Variants in RBFOX1 observed in about 807,000 individuals in gnomAD.
RBFOX1 encodes the protein RNA binding protein fox-1 homolog 1.
Under a neutral mutation model 57.7 loss-of-function variants are expected in RBFOX1, and 8 were observed. That is an observed-to-expected ratio of 0.14 (90% CI 0.08 to 0.25). RBFOX1 has a LOEUF of 0.25. Ranked by LOEUF, RBFOX1 falls within the 10% of genes least tolerant of loss-of-function variation. RBFOX1 has a pLI of 1.00. For synonymous variants in RBFOX1, 326 were observed against 222.4 expected (o/e 1.47, Z -4.15); for missense variants, 611 against 548.5 (o/e 1.11, Z -1.14).
chr16:7,712,486 C>T lies in RBFOX1; in HGVS notation c.*1741C>T, dbSNP rs2084144152. ...GGATATTAAACCATCAATAAAGTTTCACAAGATTTGAAAACAAAGTTTCTG... is the reference window on the plus strand; with the variant it reads ...GGATATTAAACCATCAATAAAGTTTTACAAGATTTGAAAACAAAGTTTCTG... On this transcript the variant is annotated 3_prime_UTR_variant, in exon 16 of 16. Transcript: ENST00000550418. 6.6e-6 allele frequency: 1 copy of T among 152,586 alleles called. No individual in the cohort carries two copies. The highest frequency in any genetic ancestry group is 1.9e-4 in the East Asian group (1 of 5,182). The allele number at this position is 152,586 out of a possible 1,614,324, so 9.5% of individuals were successfully genotyped here.
At chr16:6,323,684 A>G (rs1208629484) in intron 2 of RBFOX1, among the ~76,000 whole-genome samples, 2 of 152,148 alleles carry the variant, frequency 1.3e-5, no homozygotes, top group Admixed American at 6.5e-5. Context: ...AACATTATTT[A>G]TATGTTTATT....
intron 3 of RBFOX1, among the ~76,000 whole-genome samples, chr16:6,745,627 G>C (rs73543692): frequency 0.087 from 13,296 of 152,224 alleles, 718 homozygotes; most frequent in East Asian, 0.15. Context: ...AGCTCAGCAA[G>C]AATAGAAGAT....
intron 1 of RBFOX1, among the ~76,000 whole-genome samples, chr16:6,058,140 CG>C (rs1291394693): frequency 6.6e-6 from 1 of 151,942 alleles, no homozygotes; most frequent in Admixed American, 6.6e-5. Context: ...GTGATGGGGT[CG>C]GGGGTGGAAT....
intron 3 of RBFOX1, among the ~76,000 whole-genome samples, chr16:6,666,262 A>C (rs1340175904): frequency 6.6e-6 from 1 of 152,164 alleles, no homozygotes; most frequent in East Asian, 1.9e-4. Context: ...GGCCGGGCAC[A>C]GTGGCTCATG....
At chr16:5,800,586 C>T (rs920480412) in intron 3 of RBFOX1, among the ~76,000 whole-genome samples, 3 of 152,074 alleles carry the variant, frequency 2.0e-5, no homozygotes, top group South Asian at 2.1e-4. Context: ...TTGGAGGACA[C>T]GGGATGGTGA....
At chr16:6,832,125 T>A (rs1357482994) in intron 3 of RBFOX1, among the ~76,000 whole-genome samples, 2 of 152,220 alleles carry the variant, frequency 1.3e-5, no homozygotes, top group South Asian at 2.1e-4. Flanking sequence ...AACTTTTTCC[T>A]GATATTTCAA....
At chr16:7,695,109 A>G (rs2078376340) in intron 14 of RBFOX1, among the ~76,000 whole-genome samples, 1 of 152,174 alleles carries the variant, frequency 6.6e-6, no homozygotes, top group Non-Finnish European at 1.5e-5. Context: ...TGCTCAGTAA[A>G]TTCTTAATGA....
At chr16:7,523,534 A>C in intron 5 of RBFOX1, among the ~76,000 whole-genome samples, 1 of 152,216 alleles carries the variant, frequency 6.6e-6, no homozygotes, top group East Asian at 1.9e-4. Context: ...AATTTGGAGA[A>C]TGTAAATGTA....
At chr16:5,648,266 G>A (rs955875505) in intron 3 of RBFOX1, among the ~76,000 whole-genome samples, 5 of 152,200 alleles carry the variant, frequency 3.3e-5, no homozygotes, top group Admixed American at 3.3e-4. Context: ...AGTTCTCGGA[G>A]CCTCAGTTTT....
intron 12 of RBFOX1, among the ~76,000 whole-genome samples, chr16:7,656,019 G>C: frequency 6.6e-6 from 1 of 151,322 alleles, no homozygotes; most frequent in East Asian, 2.0e-4. Flanking sequence ...TAACTACTTG[G>C]GATGAAAATT....
At chr16:5,967,139 A>G (rs549981422) in intron 4 of RBFOX1, among the ~76,000 whole-genome samples, 1 of 152,128 alleles carries the variant, frequency 6.6e-6, no homozygotes, top group African/African-American at 2.4e-5. Flanking sequence ...TAGTTGCAAC[A>G]GAGACCATCT....
chr16:6,824,939 G>C (rs1442173897), intron 3 of RBFOX1, among the ~76,000 whole-genome samples: 1 of 141,098 alleles, frequency 7.1e-6, no homozygotes, highest in Non-Finnish European at 1.5e-5. Flanking sequence ...ACATGATTAA[G>C]TGCATCCTTC....
intron 4 of RBFOX1, among the ~76,000 whole-genome samples, chr16:7,418,392 T>C (rs2098505245): frequency 6.6e-6 from 1 of 152,220 alleles, no homozygotes; most frequent in African/African-American, 2.4e-5. Context: ...TACTTGCCCA[T>C]GTCCCATGGT....
intron 2 of RBFOX1, among the ~76,000 whole-genome samples, chr16:6,399,045 C>T (rs1002282532): frequency 1.3e-5 from 2 of 152,222 alleles, no homozygotes; most frequent in Non-Finnish European, 2.9e-5. Context: ...TGCTTGTCTT[C>T]TGTGCACCCA....
At chr16:6,928,580 G>C (rs1297365259) in intron 3 of RBFOX1, among the ~76,000 whole-genome samples, 1 of 152,066 alleles carries the variant, frequency 6.6e-6, no homozygotes, top group Non-Finnish European at 1.5e-5. Flanking sequence ...TAAATTCCTT[G>C]GGATCAGCAA....
intron 3 of RBFOX1, among the ~76,000 whole-genome samples, chr16:5,658,059 C>T (rs1043413292): frequency 3.8e-4 from 58 of 152,112 alleles, no homozygotes; most frequent in Admixed American, 6.6e-5. Flanking sequence ...GATACCATTT[C>T]GTGATCCAGA....
intron 2 of RBFOX1, among the ~76,000 whole-genome samples, chr16:6,638,796 G>A (rs887857): frequency 1.3e-5 from 2 of 151,944 alleles, no homozygotes; most frequent in South Asian, 4.1e-4. Context: ...GCAGGTGTTT[G>A]GGTGATGGCC....
chr16:6,969,901 ACT>A (rs1359584741), intron 3 of RBFOX1, among the ~76,000 whole-genome samples: 1 of 151,842 alleles, frequency 6.6e-6, no homozygotes, highest in African/African-American at 2.4e-5. Flanking sequence ...GTCACTTGAG[ACT>A]CTTTCAGTAG....
intron 3 of RBFOX1, among the ~76,000 whole-genome samples, chr16:6,671,423 T>C (rs2098764223): frequency 6.6e-6 from 1 of 152,250 alleles, no homozygotes; most frequent in South Asian, 2.1e-4. Context: ...ATATTCATGT[T>C]CATATTCAAA....
Sources: gnomAD v4.1 joint callset for allele counts (sites outside exome capture counted in the v4.1 genomes callset) on GRCh38, gnomAD v4.1.1 for gene constraint, MANE v1.5 for transcripts, NCBI Gene and HGNC (gene_info 2026-07-23, HGNC 2026-07-21) for gene names.